Variants in MLLT1 observed in about 807,000 individuals in gnomAD.
MLLT1 encodes MLLT1 super elongation complex subunit.
A neutral mutation model predicts 55.1 loss-of-function variants in MLLT1; 11 were observed. The ratio of observed to expected loss-of-function variants is 0.20; its 90% CI spans 0.13 to 0.33. The LOEUF (loss-of-function observed/expected upper bound fraction) is 0.33, where lower values mean the gene tolerates loss of function less well. Among genes scored for constraint, MLLT1 ranks in the 10% least tolerant of loss-of-function variants. The pLI, the probability that MLLT1 is intolerant of heterozygous loss-of-function variation, is 1.00. For synonymous variants in MLLT1, 323 were observed against 320.1 expected (o/e 1.01, Z -0.10); for missense variants, 536 against 760.6 (o/e 0.70, Z 3.47).
rs772076449 is a variant in MLLT1, at chr19:6,213,964, TG to T, written c.1381del (p.Gln461ArgfsTer46). On this transcript the variant is annotated frameshift_variant, in exon 9 of 12. Coordinates refer to ENST00000252674, the MANE Select transcript of MLLT1 (RefSeq NM_005934.4). LOFTEE classifies it high-confidence loss of function. The stretch of plus-strand genomic sequence containing the variant: ...CTTGCTGTTGGGCGGGGGTGGCTTC[TG>T]GGGGGGTGGGGGCTCACGGCTGGGC... ...SLPSREPPPPQKPPPPNSKVS... is the reference protein window; with the variant it reads ...SLPSREPPPPXKPPPPNSKVS... 1.6e-5 allele frequency: 22 copies of T among 1,339,318 alleles called. No individual in the cohort carries two copies. The highest frequency in any genetic ancestry group is 5.3e-5 in the Admixed American group (2 of 37,478). 83.0% of individuals were successfully genotyped at this position (1,339,318 alleles called of 1,614,324 possible). A position where few individuals can be genotyped will look rare whatever the true frequency, so the allele number is the denominator to read the frequency against.
chr19:6,268,542 G>T (rs968920365), intron 2 of MLLT1, among the ~76,000 whole-genome samples: 3 of 152,156 alleles, frequency 2.0e-5, no homozygotes, highest in Non-Finnish European at 2.9e-5. Flanking sequence ...AAGCTGGGGC[G>T]GAAGTAAAAG....
rs1403961496 is a variant in MLLT1 at position 6,273,608 on chromosome 19, C to A, written c.13-2849G>T. Among the ~76,000 whole-genome samples, 2 of 152,208 alleles carry A rather than the reference C, an allele frequency of 1.3e-5. No individual in the cohort carries two copies. Among genetic ancestry groups the A allele is most frequent in the African/African-American group, 4.8e-5 (2 of 41,450 alleles). On this transcript the variant is annotated intron_variant, in intron 1 of 11. Coordinates refer to ENST00000252674, the MANE Select transcript of MLLT1 (RefSeq NM_005934.4). The surrounding 1 kb of genome is among the most constrained non-coding windows in gnomAD (Gnocchi z 4.3). Reference sequence around the variant, plus strand: ...TTAGCCCCGAGCGGCCATGACCACCCTCTATGCTTACACGCCTGCGCCTCT... The same window carrying A: ...TTAGCCCCGAGCGGCCATGACCACCATCTATGCTTACACGCCTGCGCCTCT...
chr19:6,227,842 A>G lies in MLLT1; in HGVS notation c.421-740T>C, dbSNP rs1278433934. ...GAAGCTCGGAGCAAGGTCTTGAGATATCAACACTGCGAGTTAAGGAATGCC... is the reference window on the plus strand; with the variant it reads ...GAAGCTCGGAGCAAGGTCTTGAGATGTCAACACTGCGAGTTAAGGAATGCC... On this transcript the variant is annotated intron_variant, in intron 4 of 11. Coordinates refer to ENST00000252674, the MANE Select transcript of MLLT1 (RefSeq NM_005934.4). The surrounding 1 kb of genome is among the most constrained non-coding windows in gnomAD (Gnocchi z 5.1). 1.3e-5 allele frequency among the ~76,000 whole-genome samples: 2 copies of G among 152,222 alleles called. No homozygotes were observed. The highest frequency in any genetic ancestry group is 3.8e-4 in the East Asian group (2 of 5,196).
At chr19:6,218,459 T>C (rs777268227) in intron 6 of MLLT1, among the ~76,000 whole-genome samples, 6 of 152,242 alleles carry the variant, frequency 3.9e-5, no homozygotes, top group Non-Finnish European at 8.8e-5. Flanking sequence ...ACAGGAAAGC[T>C]GGGTGTGGAC....
intron 5 of MLLT1, among the ~76,000 whole-genome samples, chr19:6,223,540 C>T (rs1335123760): frequency 1.3e-5 from 2 of 152,158 alleles, no homozygotes; most frequent in Admixed American, 6.5e-5. Context: ...GGCAGAAAAC[C>T]GAAGCCATCT....
chr19:6,261,132 G>A (rs756949909), intron 3 of MLLT1, among the ~76,000 whole-genome samples: 1 of 152,212 alleles, frequency 6.6e-6, no homozygotes, highest in Non-Finnish European at 1.5e-5. Flanking sequence ...GCAGAGGGGT[G>A]GCCCCATAGG....
chr19:6,241,129 G>A (rs1487860031), intron 3 of MLLT1, among the ~76,000 whole-genome samples: 4 of 152,216 alleles, frequency 2.6e-5, no homozygotes, highest in African/African-American at 9.6e-5. Flanking sequence ...GAGCAGCTGA[G>A]CTGAGACCTG....
rs1568281155 is a variant in MLLT1 at position 6,230,605 on chromosome 19, T to C, written c.385A>G (p.Thr129Ala). 3 of 1,613,752 alleles carry C rather than the reference T, an allele frequency of 1.9e-6. No homozygotes were observed. Among genetic ancestry groups the C allele is most frequent in the Admixed American group, 1.7e-5 (1 of 60,024 alleles). The change falls in exon 4 of 12, where the codon ACG becomes GCG. Residue 129 changes from threonine (T) to alanine (A), a missense_variant. Around this residue, in one of 3 missense-constraint regions of MLLT1, gnomAD observed 62 missense variants for 195.8 expected, o/e 0.32. Coordinates refer to ENST00000252674, the MANE Select transcript of MLLT1 (RefSeq NM_005934.4). This position sits in a 1 kb window ranked among gnomAD's most constrained non-coding sequence, Gnocchi z 9.0. ...CEKLTFNNPT[T>A]EFRYKLLRAG... ...CGCAGGAGCTTGTACCGGAACTCCG[T>C]GGTGGGGTTGTTGAAGGTGAGCTTC...
At chr19:6,246,647 C>T (rs921028443) in intron 3 of MLLT1, among the ~76,000 whole-genome samples, 3 of 151,720 alleles carry the variant, frequency 2.0e-5, no homozygotes, top group African/African-American at 7.3e-5. Flanking sequence ...GGACTGACTT[C>T]AAAGGGACAG....
Position 6,211,902 on chromosome 19 carries a change from G to A in MLLT1, c.*1140C>T. 1 of 1,064,730 alleles carries A rather than the reference G, an allele frequency of 9.4e-7. No individual in the cohort carries two copies. Among genetic ancestry groups the A allele is most frequent in the Non-Finnish European group, 1.1e-6 (1 of 878,890 alleles). 66.0% of individuals were successfully genotyped at this position (1,064,730 alleles called of 1,614,324 possible). A position where few individuals can be genotyped will look rare whatever the true frequency, so the allele number is the denominator to read the frequency against. On this transcript the variant is annotated 3_prime_UTR_variant, in exon 12 of 12. Transcript: ENST00000252674. The surrounding 1 kb of genome is among the most constrained non-coding windows in gnomAD (Gnocchi z 4.6). ...ATGAATTGCGGCGGTGGAGGCCGGG[G>A]CGGGCCAGGCCGCGACCAGAGAGAA...
intron 3 of MLLT1, among the ~76,000 whole-genome samples, chr19:6,238,363 T>C (rs960793695): frequency 4.6e-5 from 7 of 152,222 alleles, no homozygotes; most frequent in Non-Finnish European, 8.8e-5. Context: ...GTTTTAAGAA[T>C]CTTATCTTAC....
intron 1 of MLLT1, among the ~76,000 whole-genome samples, chr19:6,279,498 C>T (rs1351380910): frequency 1.3e-5 from 2 of 151,142 alleles, no homozygotes; most frequent in African/African-American, 2.4e-5. Context: ...AGGGGTCTCC[C>T]GGGGGTCTCC....
In MLLT1 at chr19:6,231,511, G is replaced by C. The variant is rs886221785; in HGVS notation, c.277-798C>G. 1.3e-5 allele frequency among the ~76,000 whole-genome samples: 2 copies of C among 151,984 alleles called. No homozygotes were observed. The highest frequency in any genetic ancestry group is 4.8e-5 in the African/African-American group (2 of 41,368). On this transcript the variant is annotated intron_variant, in intron 3 of 11. Transcript: ENST00000252674. This position sits in a 1 kb window ranked among gnomAD's most constrained non-coding sequence, Gnocchi z 5.1. The stretch of plus-strand genomic sequence containing the variant: ...TTTCTGTGAACCTTGAAATTTCGAA[G>C]CAAGACATTTTTTTTTTTGAGATGG...
intron 3 of MLLT1, among the ~76,000 whole-genome samples, chr19:6,252,389 T>C (rs984360531): frequency 6.6e-6 from 1 of 152,166 alleles, no homozygotes; most frequent in East Asian, 1.9e-4. Flanking sequence ...CGTGAGCCTA[T>C]TCCCCCAATA....
intron 2 of MLLT1, among the ~76,000 whole-genome samples, chr19:6,269,757 G>A (rs2091380168): frequency 6.6e-6 from 1 of 152,178 alleles, no homozygotes; most frequent in Non-Finnish European, 1.5e-5. Flanking sequence ...CACCAGCCCA[G>A]CCAGGGCTCT....
rs1370456863 is a variant in MLLT1 at position 6,270,305 on chromosome 19, C to T, written c.193+274G>A. ...AGCCGGCTGACTTCACCTGTCCCAC[C>T]CATGCCAACCTGGCTGTGCTCCCTG... On this transcript the variant is annotated intron_variant, in intron 2 of 11. Coordinates refer to ENST00000252674, the MANE Select transcript of MLLT1 (RefSeq NM_005934.4). This position sits in a 1 kb window ranked among gnomAD's most constrained non-coding sequence, Gnocchi z 7.1. Among the ~76,000 whole-genome samples, 1 of 151,982 alleles carries T rather than the reference C, an allele frequency of 6.6e-6. No individual in the cohort carries two copies. Among genetic ancestry groups the T allele is most frequent in the Non-Finnish European group, 1.5e-5 (1 of 67,972 alleles).
Position 6,212,142 on chromosome 19 carries a change from G to C in MLLT1, c.*900C>G. On this transcript the variant is annotated 3_prime_UTR_variant, in exon 12 of 12. Coordinates refer to ENST00000252674, the MANE Select transcript of MLLT1 (RefSeq NM_005934.4). ...GAGGAGGCCGAGCCCCAGGGCGGCT[G>C]ATGCGAGTCTGTCCGCGGAGACTGT... is the stretch of plus-strand genomic sequence containing the variant. 1 of 1,066,592 alleles carries C rather than the reference G, an allele frequency of 9.4e-7. No homozygotes were observed. Among genetic ancestry groups the C allele is most frequent in the Non-Finnish European group, 1.1e-6 (1 of 879,774 alleles). 66.1% of individuals were successfully genotyped at this position (1,066,592 alleles called of 1,614,324 possible). A position where few individuals can be genotyped will look rare whatever the true frequency, so the allele number is the denominator to read the frequency against.
rs770547486 is a variant in MLLT1 at position 6,229,719 on chromosome 19, TACATGCCAC to T, written c.420+842_420+850del. ...CCCGTGACACCACACACCACACCCC[TACATGCCAC>T]ACATGCCACACACTGTACATGCCAC... On this transcript the variant is annotated intron_variant, in intron 4 of 11. Coordinates refer to ENST00000252674, the MANE Select transcript of MLLT1 (RefSeq NM_005934.4). The surrounding 1 kb of genome is among the most constrained non-coding windows in gnomAD (Gnocchi z 5.2). Among the ~76,000 whole-genome samples the T allele has an allele frequency of 5.2e-4, 77 of 149,212 alleles. No individual in the cohort carries two copies. The highest frequency in any genetic ancestry group is 8.0e-4 in the Admixed American group (12 of 15,058).
intron 3 of MLLT1, among the ~76,000 whole-genome samples, chr19:6,258,403 C>T (rs934669918): frequency 6.6e-6 from 1 of 152,234 alleles, no homozygotes. Context: ...ATGCCCAGAA[C>T]AGCAGAAAGG....
Sources: allele counts gnomAD v4.1 joint callset (sites outside exome capture counted in the v4.1 genomes callset), GRCh38; gene constraint gnomAD v4.1.1; regional missense constraint gnomAD v4.1.1; non-coding constraint Gnocchi (gnomAD v3.1); transcripts MANE v1.5; gene names NCBI Gene and HGNC (gene_info 2026-07-23, HGNC 2026-07-21).